The following CORO7 variants were observed in gnomAD, a reference collection of about 807,000 sequenced individuals.
The protein encoded by CORO7 is coronin 7, also known as coronin-7.
A neutral mutation model predicts 126.6 loss-of-function variants in CORO7; 107 were observed. The observed-to-expected ratio is 0.85, with a 90% CI of 0.72 to 0.99. The LOEUF (loss-of-function observed/expected upper bound fraction) is 0.99, where lower values mean the gene tolerates loss of function less well. Ranked by LOEUF, CORO7 falls within the 50% of genes least tolerant of loss-of-function variation. The probability of loss-of-function intolerance (pLI) is 0.00; values close to 1 mark genes in which losing one functional copy is unlikely to be tolerated. For missense variants in CORO7, 1,314 were observed against 1,255.8 expected (o/e 1.05, Z -0.70); for synonymous variants, 603 against 536.8 (o/e 1.12, Z -1.70).
chr16:4,388,701 C>T lies in CORO7; in HGVS notation c.616-70G>A, dbSNP rs12447290. ...GTGGGCGGGGCCCCCTGGAATGGGCCTGAGCTGGGGAACTTCTGCTGCCCA... is the reference window on the plus strand; with the variant it reads ...GTGGGCGGGGCCCCCTGGAATGGGCTTGAGCTGGGGAACTTCTGCTGCCCA... On this transcript the variant is annotated intron_variant, in intron 7 of 27. Transcript: ENST00000251166. The T allele has an allele frequency of 3.4e-5, 51 of 1,516,406 alleles. No homozygotes were observed. In the Admixed American group the frequency reaches 9.5e-4, roughly 28 times the overall value. 93.9% of individuals were successfully genotyped at this position (1,516,406 alleles called of 1,614,324 possible).
Position 4,388,651 on chromosome 16 carries a change from G to T in CORO7, c.616-20C>A. 1.9e-6 allele frequency: 3 copies of T among 1,604,714 alleles called. No homozygotes were observed. The highest frequency in any genetic ancestry group is 2.5e-6 in the Non-Finnish European group (3 of 1,176,994). On this transcript the variant is annotated intron_variant, in intron 7 of 27. Transcript: ENST00000251166. ...CGTGCTCTGCAGGAGGCAAGAGGTG[G>T]ACCTGAGCCCCCAGGGCCCTGCTGG...
chr16:4,408,332 G>C (rs2056085757), intron 3 of CORO7, 81 bp from the exon 4 acceptor site: 2 of 1,592,694 alleles, frequency 1.3e-6, no homozygotes, highest in African/African-American at 1.3e-5. Flanking sequence ...CTTCCGAGGT[G>C]ACACTTTTGT....
At chr16:4,369,830 A>G (rs1322522900) in intron 9 of CORO7, among the ~76,000 whole-genome samples, 1 of 151,698 alleles carries the variant, frequency 6.6e-6, no homozygotes, top group Non-Finnish European at 1.5e-5. Flanking sequence ...GTTAGTTAGG[A>G]TCCTTTGACC....
intron 5 of CORO7, among the ~76,000 whole-genome samples, chr16:4,407,083 G>T (rs1223823123): frequency 6.6e-6 from 1 of 152,060 alleles, no homozygotes; most frequent in Non-Finnish European, 1.5e-5. Flanking sequence ...GAGTAGCTGG[G>T]ATTACAGGTG....
intron 8 of CORO7, 110 bp from the exon 9 acceptor site, chr16:4,388,178 C>G (rs1016536253): frequency 1.4e-6 from 2 of 1,397,760 alleles, no homozygotes; most frequent in Admixed American, 4.1e-5. Context: ...GGGCACCTGC[C>G]CCAGAGCAGG....
At position 4,361,088 on chromosome 16, in the gene CORO7, G is replaced by A. The variant is rs568372286; in HGVS notation, c.1775-3C>T. On this transcript the variant is annotated splice_polypyrimidine_tract_variant and splice_region_variant and intron_variant, in intron 18 of 27. Transcript: ENST00000251166. ...GGAGCAGATCTTCTCCGTGTGGCCT[G>A]GAGGAAGGCAGGGGTGATCAGGAGC... 8.1e-6 allele frequency: 13 copies of A among 1,613,404 alleles called. No individual in the cohort carries two copies. The East Asian group carries it at 2.7e-4, about 33-fold the overall frequency.
chr16:4,367,564 T>G (rs2054385919), intron 9 of CORO7, among the ~76,000 whole-genome samples: 1 of 152,114 alleles, frequency 6.6e-6, no homozygotes, highest in South Asian at 2.1e-4. Context: ...AAGGGAAGGT[T>G]CACCGAGGAC....
chr16:4,366,666 G>C (rs2054358915), intron 9 of CORO7, among the ~76,000 whole-genome samples: 1 of 151,062 alleles, frequency 6.6e-6, no homozygotes, highest in Admixed American at 6.6e-5. Context: ...TCAGCCTCCA[G>C]AGTAGCTGGG....
chr16:4,368,729 C>T (rs1167130185), intron 9 of CORO7, among the ~76,000 whole-genome samples: 1 of 132,958 alleles, frequency 7.5e-6, no homozygotes, highest in Admixed American at 8.8e-5. Flanking sequence ...GCCTTGGCAA[C>T]AGAGTGAGAC....
chr16:4,397,046 AAAC>A (rs963089711), intron 6 of CORO7, among the ~76,000 whole-genome samples: 2 of 151,794 alleles, frequency 1.3e-5, no homozygotes, highest in Non-Finnish European at 2.9e-5. Context: ...AAAGAAAGAA[AAAC>A]AACATCATTT....
chr16:4,390,400 C>T (rs189871169), intron 7 of CORO7, among the ~76,000 whole-genome samples: 60 of 152,264 alleles, frequency 3.9e-4, no homozygotes, highest in African/African-American at 1.4e-3. Context: ...GTGTCTGACA[C>T]GTGTCAAGTG....
chr16:4,383,147 C>A, intron 9 of CORO7: 1 of 484,790 alleles, frequency 2.1e-6, no homozygotes, highest in East Asian at 3.4e-5. Flanking sequence ...CCGCCCTGCC[C>A]TCCGCAACGT....
intron 6 of CORO7, among the ~76,000 whole-genome samples, chr16:4,402,944 G>A (rs2055865951): frequency 6.6e-6 from 1 of 152,092 alleles, no homozygotes; most frequent in East Asian, 1.9e-4. Flanking sequence ...GGTCCTGGGA[G>A]GCAGACCTGC....
intron 3 of CORO7, among the ~76,000 whole-genome samples, chr16:4,409,410 C>T (rs889482600): frequency 9.2e-5 from 14 of 152,208 alleles, no homozygotes; most frequent in East Asian, 1.9e-4. Context: ...CTGGCACAGG[C>T]GGGCTGGCAT....
intron 9 of CORO7, among the ~76,000 whole-genome samples, chr16:4,384,993 C>T (rs1206033939): frequency 6.6e-6 from 1 of 152,038 alleles, no homozygotes; most frequent in Admixed American, 6.5e-5. Context: ...GTGGCAGGGC[C>T]CAAAAAAAGG....
At position 4,365,501 on chromosome 16, in the gene CORO7, A is replaced by G; in HGVS notation, c.830T>C (p.Leu277Pro). 2 of 1,574,970 alleles carry G rather than the reference A, an allele frequency of 1.3e-6. No homozygotes were observed. The highest frequency in any genetic ancestry group is 1.7e-6 in the Non-Finnish European group (2 of 1,160,564). Reference sequence around the variant, plus strand: ...CAGCTTCTCACTCACCTTTCCTGCCAGGACCAGGAGCCCAGAGTCAGGGTC... The same window carrying G: ...CAGCTTCTCACTCACCTTTCCTGCCGGGACCAGGAGCCCAGAGTCAGGGTC... ...LLDPDSGLLVLAGKGERQLYC... is the reference protein window; with the variant it reads ...LLDPDSGLLVPAGKGERQLYC... Residue 277 changes from leucine (L) to proline (P), a missense_variant, in exon 10 of 28, where the codon CTG becomes CCG. By Grantham distance (98) the Leu-to-Pro change is moderately conservative. Coordinates refer to ENST00000251166, the MANE Select transcript of CORO7 (RefSeq NM_024535.5).
intron 25 of CORO7, 101 bp downstream of exon 25, chr16:4,357,852 CTCCCAAAGGCCAGAG>C: frequency 1.3e-6 from 2 of 1,490,208 alleles, no homozygotes; most frequent in Non-Finnish European, 1.8e-6. Context: ...CCACTCCACC[CTCCCAAAGGCCAGAG>C]GATTCTGCGT....
Position 4,362,932 on chromosome 16 carries a change from C to G in CORO7, c.1276-194G>C, listed in dbSNP as rs932448663. 3.5e-6 allele frequency: 2 copies of G among 577,640 alleles called. No homozygotes were observed. The highest frequency in any genetic ancestry group is 5.1e-6 in the Non-Finnish European group (2 of 390,252). The allele number at this position is 577,640 out of a possible 1,614,324, so 35.8% of individuals were successfully genotyped here. On this transcript the variant is annotated intron_variant, in intron 14 of 27. Coordinates refer to ENST00000251166, the MANE Select transcript of CORO7 (RefSeq NM_024535.5). This position sits in a 1 kb window ranked among gnomAD's most constrained non-coding sequence, Gnocchi z 5.3. ...ACAGGGAAGCAGCCGAGCTTCAGAC[C>G]GCGGGGACAGCAAGTGGCAGCTGCT...
At chr16:4,399,590 C>G (rs1421474986) in intron 6 of CORO7, among the ~76,000 whole-genome samples, 1 of 152,150 alleles carries the variant, frequency 6.6e-6, no homozygotes, top group Non-Finnish European at 1.5e-5. Flanking sequence ...TGTAAATATA[C>G]TTAACACTAC....
Sources: gnomAD v4.1 joint callset for allele counts (sites outside exome capture counted in the v4.1 genomes callset) on GRCh38, gnomAD v4.1.1 for gene constraint, Gnocchi (gnomAD v3.1) non-coding constraint, MANE v1.5 for transcripts, NCBI Gene and HGNC (gene_info 2026-07-23, HGNC 2026-07-21) for gene names.